The following USP6NL variants were observed in gnomAD, a reference collection of about 807,000 sequenced individuals.
The protein encoded by USP6NL is USP6 N-terminal-like protein.
A neutral mutation model predicts 61.9 loss-of-function variants in USP6NL; 26 were observed. That is an observed-to-expected ratio of 0.42 (90% CI 0.31 to 0.58). USP6NL has a LOEUF of 0.58. Ranked by LOEUF, USP6NL falls within the 20% of genes least tolerant of loss-of-function variation. USP6NL has a pLI of 0.16. For synonymous variants in USP6NL, 432 were observed against 390.1 expected (o/e 1.11, Z -1.27); for missense variants, 1,114 against 1,034.3 (o/e 1.08, Z -1.06).
intron 2 of USP6NL, among the ~76,000 whole-genome samples, chr10:11,538,241 C>T (rs1222417133): frequency 1.3e-5 from 2 of 151,180 alleles, no homozygotes; most frequent in Non-Finnish European, 3.0e-5. Context: ...ACAGAGAAGC[C>T]TTTTTTTTTC....
At chr10:11,533,903 T>C (rs947997143) in intron 2 of USP6NL, among the ~76,000 whole-genome samples, 8 of 152,182 alleles carry the variant, frequency 5.3e-5, no homozygotes, top group Non-Finnish European at 1.2e-4. Context: ...AGACGCTCCT[T>C]GACCAAACTT....
Position 11,609,391 on chromosome 10 carries a change from T to C in USP6NL, c.-84+2052A>G, listed in dbSNP as rs149261215. 4.5e-3 allele frequency among the ~76,000 whole-genome samples: 681 copies of C among 152,200 alleles called. 5 individuals carry two copies. The highest frequency in any genetic ancestry group is 7.0e-3 in the Non-Finnish European group (473 of 68,008). ...CAGTCTATGCTTTTCAAAAATCACATTGAAGGAACAAACTATAACTTTCTG... is the reference window on the plus strand; with the variant it reads ...CAGTCTATGCTTTTCAAAAATCACACTGAAGGAACAAACTATAACTTTCTG... On this transcript the variant is annotated intron_variant, in intron 1 of 14. Transcript: ENST00000609104.
chr10:11,499,754 C>T lies in USP6NL; in HGVS notation c.384+1347G>A, dbSNP rs1234057732. On this transcript the variant is annotated intron_variant, in intron 7 of 14. Transcript: ENST00000609104. This position sits in a 1 kb window ranked among gnomAD's most constrained non-coding sequence, Gnocchi z 4.5. Reference sequence around the variant, plus strand: ...CTAGAGCCCTGAGAGAAAGTGTTGTCCTGCTGACACCTTAATTTTGGACTT... The same window carrying T: ...CTAGAGCCCTGAGAGAAAGTGTTGTTCTGCTGACACCTTAATTTTGGACTT... Among the ~76,000 whole-genome samples, 2 of 152,160 alleles carry T rather than the reference C, an allele frequency of 1.3e-5. No homozygotes were observed. Among genetic ancestry groups the T allele is most frequent in the Non-Finnish European group, 2.9e-5 (2 of 68,034 alleles).
rs957948344 is a variant in USP6NL, at chr10:11,602,755, T to A, written c.-83-5038A>T. 6.6e-6 allele frequency among the ~76,000 whole-genome samples: 1 copy of A among 152,222 alleles called. No homozygotes were observed. Among genetic ancestry groups the A allele is most frequent in the Admixed American group, 6.5e-5 (1 of 15,276 alleles). On this transcript the variant is annotated intron_variant, in intron 1 of 14. Coordinates refer to ENST00000609104, the MANE Select transcript of USP6NL (RefSeq NM_014688.5). The surrounding 1 kb of genome is among the most constrained non-coding windows in gnomAD (Gnocchi z 4.8). ...TTTTTGGGATGCTCAACTGGTATAATGCAAATATTCCAAAATCTGAAAAAA... is the reference window on the plus strand; with the variant it reads ...TTTTTGGGATGCTCAACTGGTATAAAGCAAATATTCCAAAATCTGAAAAAA...
In USP6NL at chr10:11,561,161, AAAT is replaced by A. The variant is rs1455147345; in HGVS notation, c.5-33597_5-33595del. ...TAAGTAGTTTCATCCAGAATAGCTA[AAAT>A]ATGTTTGTGCTTTATACATCCAAAA... On this transcript the variant is annotated intron_variant, in intron 2 of 14. Coordinates refer to ENST00000609104, the MANE Select transcript of USP6NL (RefSeq NM_014688.5). The surrounding 1 kb of genome is among the most constrained non-coding windows in gnomAD (Gnocchi z 4.1). Among the ~76,000 whole-genome samples the A allele has an allele frequency of 6.6e-6, 1 of 152,202 alleles. No homozygotes were observed. Among genetic ancestry groups the A allele is most frequent in the African/African-American group, 2.4e-5 (1 of 41,450 alleles).
intron 2 of USP6NL, among the ~76,000 whole-genome samples, chr10:11,552,469 A>G (rs1001913849): frequency 6.6e-6 from 1 of 152,246 alleles, no homozygotes; most frequent in Non-Finnish European, 1.5e-5. Context: ...TGCCACATGC[A>G]TAACAATTGA....
chr10:11,592,769 A>T lies in USP6NL; in HGVS notation c.4+4862T>A, dbSNP rs117653346. The stretch of plus-strand genomic sequence containing the variant: ...TTATGGGAAGTCTTCTGTTACTTGG[A>T]GCACAACTTTTTTACTTAGTAAGAC... On this transcript the variant is annotated intron_variant, in intron 2 of 14. Transcript: ENST00000609104. This position sits in a 1 kb window ranked among gnomAD's most constrained non-coding sequence, Gnocchi z 4.7. Among the ~76,000 whole-genome samples the T allele has an allele frequency of 0.01, 1,561 of 152,310 alleles. 17 individuals carry two copies. Among genetic ancestry groups the T allele is most frequent in the Non-Finnish European group, 0.017 (1,148 of 68,012 alleles).
intron 2 of USP6NL, chr10:11,564,459 T>G (rs1340373822): frequency 6.6e-6 from 1 of 152,184 alleles, no homozygotes; most frequent in Non-Finnish European, 1.5e-5. Flanking sequence ...GTTATCTCAC[T>G]TAGATGATAA....
chr10:11,518,000 G>T lies in USP6NL; in HGVS notation c.195+535C>A, dbSNP rs373692804. Among the ~76,000 whole-genome samples, 21 of 152,306 alleles carry T rather than the reference G, an allele frequency of 1.4e-4. No individual in the cohort carries two copies. In the East Asian group the frequency reaches 4.0e-3, roughly 29 times the overall value. ...TTCCTTGCTATGTATAACGAGGAAA[G>T]ATTTTTAAATGTTGACAAGTTTACT... On this transcript the variant is annotated intron_variant, in intron 5 of 14. Coordinates refer to ENST00000609104, the MANE Select transcript of USP6NL (RefSeq NM_014688.5).
intron 2 of USP6NL, among the ~76,000 whole-genome samples, chr10:11,567,219 T>C (rs1042168400): frequency 2.0e-5 from 3 of 152,260 alleles, no homozygotes; most frequent in African/African-American, 4.8e-5. Flanking sequence ...AATAATTGTA[T>C]ATGTTTACAA....
intron 7 of USP6NL, 63 bp downstream of exon 7, chr10:11,501,038 A>T: frequency 3.9e-6 from 5 of 1,280,864 alleles, no homozygotes; most frequent in Non-Finnish European, 5.3e-6. Context: ...GTCACCTTGA[A>T]TGCTAAAAGA....
At chr10:11,609,909 T>G (rs1838832443) in intron 1 of USP6NL, among the ~76,000 whole-genome samples, 1 of 152,182 alleles carries the variant, frequency 6.6e-6, no homozygotes, top group Non-Finnish European at 1.5e-5. Flanking sequence ...AAAACATTAT[T>G]AAAACTGGTA....
intron 1 of USP6NL, among the ~76,000 whole-genome samples, chr10:11,610,066 A>C (rs1198527929): frequency 6.6e-6 from 1 of 152,160 alleles, no homozygotes; most frequent in African/African-American, 2.4e-5. Flanking sequence ...ACAACTCATT[A>C]ATTCTCTATA....
At position 11,474,736 on chromosome 10, in the gene USP6NL, T is replaced by C. The variant is rs779494774; in HGVS notation, c.1078+7034A>G. ...AAAACTTGCATCAACAAATGACTAC[T>C]GCAAAGGGCTGCTGGAAAAAATTAA... is the stretch of plus-strand genomic sequence containing the variant. On this transcript the variant is annotated intron_variant, in intron 14 of 14. Coordinates refer to ENST00000609104, the MANE Select transcript of USP6NL (RefSeq NM_014688.5). This position sits in a 1 kb window ranked among gnomAD's most constrained non-coding sequence, Gnocchi z 4.9. Among the ~76,000 whole-genome samples the C allele has an allele frequency of 6.6e-6, 1 of 152,220 alleles. No homozygotes were observed. Among genetic ancestry groups the C allele is most frequent in the Non-Finnish European group, 1.5e-5 (1 of 68,034 alleles).
intron 14 of USP6NL, among the ~76,000 whole-genome samples, chr10:11,477,161 T>C (rs1184914758): frequency 1.3e-5 from 2 of 152,166 alleles, no homozygotes; most frequent in Non-Finnish European, 2.9e-5. Flanking sequence ...CGTGAGCCAC[T>C]GTACCCAGCC....
chr10:11,484,167 AC>A lies in USP6NL; in HGVS notation c.925+803del, dbSNP rs150055859. On this transcript the variant is annotated intron_variant, in intron 13 of 14. Transcript: ENST00000609104. ...AATGAACATGAAACTATGTGGTATGACCTGGATTAGAAGTACGTGTACGTAT... is the reference window on the plus strand; with the variant it reads ...AATGAACATGAAACTATGTGGTATGACTGGATTAGAAGTACGTGTACGTAT... Among the ~76,000 whole-genome samples the A allele has an allele frequency of 4.8e-3, 725 of 152,322 alleles. 4 individuals are homozygous for A. The highest frequency in any genetic ancestry group is 0.01 in the Middle Eastern group (3 of 294).
chr10:11,527,354 G>T, intron 3 of USP6NL, 146 bp downstream of exon 3: 1 of 659,804 alleles, frequency 1.5e-6, no homozygotes, highest in Non-Finnish European at 2.6e-6. Flanking sequence ...AAAGACAGGA[G>T]ATGAAGTCAG....
In USP6NL at chr10:11,493,209, C is replaced by T. The variant is rs771458315; in HGVS notation, c.404G>A (p.Arg135Gln). 7 of 1,610,334 alleles carry T rather than the reference C, an allele frequency of 4.3e-6. No individual in the cohort carries two copies. Among genetic ancestry groups the T allele is most frequent in the Admixed American group, 3.3e-5 (2 of 59,722 alleles). ...DLYSKLKHRA[R>Q]GCSPDIRQID... Reference sequence around the variant, plus strand: ...TTGTCTGATGTCAGGTGAACAGCCCCGTGCTCTGTGTTTTAATTTCTGAAG... The same window carrying T: ...TTGTCTGATGTCAGGTGAACAGCCCTGTGCTCTGTGTTTTAATTTCTGAAG... Residue 135 changes from arginine (R) to glutamine (Q), a missense_variant, in exon 8 of 15, where the codon CGG becomes CAG. Physicochemically the swap from Arg to Gln is conservative, Grantham distance 43. Coordinates refer to ENST00000609104, the MANE Select transcript of USP6NL (RefSeq NM_014688.5).
rs1360149245 is a variant in USP6NL, at chr10:11,511,536, A to G, written c.196-1861T>C. ...ACACCAAATAATTCAAGCCAACCCA[A>G]GAGTATAACAACATACACTTTGCCA... On this transcript the variant is annotated intron_variant, in intron 5 of 14. Coordinates refer to ENST00000609104, the MANE Select transcript of USP6NL (RefSeq NM_014688.5). This position sits in a 1 kb window ranked among gnomAD's most constrained non-coding sequence, Gnocchi z 4.9. Among the ~76,000 whole-genome samples the G allele has an allele frequency of 6.6e-6, 1 of 152,212 alleles. No homozygotes were observed. Among genetic ancestry groups the G allele is most frequent in the African/African-American group, 2.4e-5 (1 of 41,454 alleles).
Sources: gnomAD v4.1 joint callset for allele counts (sites outside exome capture counted in the v4.1 genomes callset) on GRCh38, gnomAD v4.1.1 for gene constraint, Gnocchi (gnomAD v3.1) non-coding constraint, MANE v1.5 for transcripts, NCBI Gene and HGNC (gene_info 2026-07-23, HGNC 2026-07-21) for gene names.